The following IL22RA2 variants were observed in gnomAD, a reference collection of about 807,000 sequenced individuals.
The protein encoded by IL22RA2 is interleukin 22 receptor subunit alpha 2.
In IL22RA2, 39 loss-of-function variants were observed where a neutral mutation model predicts 30.7. That is an observed-to-expected ratio of 1.27 (90% confidence interval 0.98 to 1.66). IL22RA2 has a LOEUF of 1.66. Among genes scored for constraint, IL22RA2 ranks in the 40% most tolerant of loss-of-function variants. The probability of loss-of-function intolerance (pLI) is 0.00; values close to 1 mark genes in which losing one functional copy is unlikely to be tolerated. For synonymous variants in IL22RA2, 103 were observed against 105.0 expected (o/e 0.98, Z 0.11); for missense variants, 315 against 312.7 (o/e 1.01, Z -0.05).
intron 1 of IL22RA2, among the ~76,000 whole-genome samples, chr6:137,166,797 G>A (rs1386633645): frequency 2.6e-5 from 4 of 152,240 alleles, no homozygotes; most frequent in Admixed American, 6.5e-5. Context: ...AGAGACTCTT[G>A]TAGGATGGCA....
intron 6 of IL22RA2, among the ~76,000 whole-genome samples, chr6:137,146,083 G>A (rs912044871): frequency 9.2e-5 from 14 of 152,182 alleles, no homozygotes; most frequent in Admixed American, 8.5e-4. Flanking sequence ...CCAGCCTGGA[G>A]TGCAGTGTCA....
chr6:137,157,058 C>T (rs1038959049), intron 3 of IL22RA2, among the ~76,000 whole-genome samples: 2 of 152,168 alleles, frequency 1.3e-5, no homozygotes, highest in Non-Finnish European at 2.9e-5. Context: ...TCCTACGAGG[C>T]CCTACTTCCA....
rs996016113 is a variant in IL22RA2, at chr6:137,144,607, C to T, written c.*1017G>A. The T allele has an allele frequency of 5.3e-5, 8 of 152,316 alleles. No homozygotes were observed. The highest frequency in any genetic ancestry group is 7.3e-5 in the Non-Finnish European group (5 of 68,138). The allele number at this position is 152,316 out of a possible 1,614,324, so 9.4% of individuals were successfully genotyped here. On this transcript the variant is annotated 3_prime_UTR_variant, in exon 7 of 7. Transcript: ENST00000296980. ...GGAGGGCTTTGTCTAGCTCTATAGTCTCTGTAGGCACCTACCAACACCGGT... is the reference window on the plus strand; with the variant it reads ...GGAGGGCTTTGTCTAGCTCTATAGTTTCTGTAGGCACCTACCAACACCGGT...
At chr6:137,158,266 G>A (rs564448103) in intron 3 of IL22RA2, 81 bp downstream of exon 3, 148 of 1,529,948 alleles carry the variant, frequency 9.7e-5, no homozygotes, top group Middle Eastern at 5.2e-4. Context: ...AAAAAAGCTC[G>A]GATCCTAACA....
chr6:137,166,468 G>A (rs560278522), intron 1 of IL22RA2, among the ~76,000 whole-genome samples: 1 of 152,332 alleles, frequency 6.6e-6, no homozygotes, highest in South Asian at 2.1e-4. Context: ...GTCATCCATT[G>A]CAAAGGGCAT....
chr6:137,172,711 G>A (rs886482323), intron 1 of IL22RA2, among the ~76,000 whole-genome samples: 60 of 152,148 alleles, frequency 3.9e-4, no homozygotes, highest in African/African-American at 1.4e-3. Context: ...TTCCATCATC[G>A]TGTTGACTCT....
chr6:137,167,245 C>T (rs9483999), intron 1 of IL22RA2, among the ~76,000 whole-genome samples: 10,695 of 152,108 alleles, frequency 0.07, 887 homozygotes, highest in African/African-American at 0.2. Flanking sequence ...AAGAATAAAC[C>T]GGACACTCAA....
At chr6:137,161,062 A>G (rs1778511317) in intron 2 of IL22RA2, among the ~76,000 whole-genome samples, 1 of 152,042 alleles carries the variant, frequency 6.6e-6, no homozygotes, top group Non-Finnish European at 1.5e-5. Flanking sequence ...GATGCTCTAC[A>G]CTCCTGCAGT....
intron 5 of IL22RA2, among the ~76,000 whole-genome samples, chr6:137,148,484 C>T (rs367793270): frequency 3.3e-5 from 5 of 152,124 alleles, no homozygotes; most frequent in African/African-American, 1.2e-4. Flanking sequence ...GTCTTTTGTC[C>T]TGGGAGTGGC....
chr6:137,161,002 T>C (rs1778510201), intron 2 of IL22RA2, among the ~76,000 whole-genome samples: 1 of 152,236 alleles, frequency 6.6e-6, no homozygotes, highest in African/African-American at 2.4e-5. Flanking sequence ...GGTACCCATT[T>C]GTTAACTTGC....
At chr6:137,147,655 T>C in intron 6 of IL22RA2, 67 bp downstream of exon 6, 1 of 1,275,314 alleles carries the variant, frequency 7.8e-7, no homozygotes, top group Admixed American at 2.6e-5. Flanking sequence ...ACATCTCATA[T>C]GACCACAATA....
In IL22RA2 at chr6:137,154,799, C is replaced by A. The variant is rs191755060; in HGVS notation, c.472+142G>T. ...AAATTAGGATAATAAAAGCTATCTCCTAGAGTTGTTCTGACAATTAGACCA... is the reference window on the plus strand; with the variant it reads ...AAATTAGGATAATAAAAGCTATCTCATAGAGTTGTTCTGACAATTAGACCA... On this transcript the variant is annotated intron_variant, in intron 5 of 6. Transcript: ENST00000296980. The A allele has an allele frequency of 7.5e-6, 5 of 666,002 alleles. No individual in the cohort carries two copies. In the East Asian group the frequency reaches 1.1e-4, roughly 14 times the overall value. 41.3% of individuals were successfully genotyped at this position (666,002 alleles called of 1,614,324 possible).
At chr6:137,170,684 C>T (rs1264116392) in intron 1 of IL22RA2, among the ~76,000 whole-genome samples, 1 of 152,138 alleles carries the variant, frequency 6.6e-6, no homozygotes, top group Admixed American at 6.5e-5. Flanking sequence ...AATAAACTTT[C>T]CTGAACTTTC....
chr6:137,145,427 A>C lies in IL22RA2; in HGVS notation c.*197T>G, dbSNP rs1778158220. ...TTTACATTTCAATTTTTCGGGGGGA[A>C]TGTCGTTCAAATATAGTTTACAAAT... is the stretch of plus-strand genomic sequence containing the variant. On this transcript the variant is annotated 3_prime_UTR_variant, in exon 7 of 7. Coordinates refer to ENST00000296980, the MANE Select transcript of IL22RA2 (RefSeq NM_052962.3). 1.1e-5 allele frequency: 5 copies of C among 454,394 alleles called. No homozygotes were observed. Among genetic ancestry groups the C allele is most frequent in the East Asian group, 4.0e-5 (1 of 25,156 alleles). The allele number at this position is 454,394 out of a possible 1,614,324, so 28.1% of individuals were successfully genotyped here. A position where few individuals can be genotyped will look rare whatever the true frequency, so the allele number is the denominator to read the frequency against.
intron 1 of IL22RA2, among the ~76,000 whole-genome samples, chr6:137,166,351 C>G (rs1778624386): frequency 6.6e-6 from 1 of 151,810 alleles, no homozygotes; most frequent in Non-Finnish European, 1.5e-5. Context: ...GCCCATGGAG[C>G]CATATATAAG....
At chr6:137,166,416 G>C (rs1227184954) in intron 1 of IL22RA2, among the ~76,000 whole-genome samples, 2 of 152,190 alleles carry the variant, frequency 1.3e-5, no homozygotes, top group Admixed American at 6.5e-5. Context: ...AAAGGAAATA[G>C]AGCAGCTCTT....
chr6:137,167,241 A>C (rs937337418), intron 1 of IL22RA2, among the ~76,000 whole-genome samples: 3 of 152,226 alleles, frequency 2.0e-5, no homozygotes, highest in Non-Finnish European at 4.4e-5. Context: ...TTGAAAGAAT[A>C]AACCGGACAC....
chr6:137,169,162 C>T (rs1261424772), intron 1 of IL22RA2, among the ~76,000 whole-genome samples: 1 of 152,186 alleles, frequency 6.6e-6, no homozygotes, highest in African/African-American at 2.4e-5. Flanking sequence ...TACTGTATTG[C>T]CTGTTGGGGC....
chr6:137,158,489 T>G lies in IL22RA2; in HGVS notation c.62-7A>C. The G allele has an allele frequency of 6.2e-7, 1 of 1,613,822 alleles. No homozygotes were observed. Among genetic ancestry groups the G allele is most frequent in the Non-Finnish European group, 8.5e-7 (1 of 1,179,850 alleles). On this transcript the variant is annotated splice_polypyrimidine_tract_variant and splice_region_variant and intron_variant, in intron 2 of 6. Transcript: ENST00000296980. ...TCATGCGTTGACTGAGTTCCTAAGA[T>G]AATAAGAGAAGGAAGAACATTGAAC...
Sources: allele counts gnomAD v4.1 joint callset (sites outside exome capture counted in the v4.1 genomes callset), GRCh38; gene constraint gnomAD v4.1.1; transcripts MANE v1.5; gene names NCBI Gene and HGNC (gene_info 2026-07-23, HGNC 2026-07-21).